ZFPM2: variants seen among roughly 807,000 people sequenced by gnomAD.
The protein encoded by ZFPM2 is zinc finger protein, FOG family member 2.
A neutral mutation model predicts 98.6 loss-of-function variants in ZFPM2; 20 were observed. The ratio of observed to expected loss-of-function variants is 0.20; its 90% CI spans 0.14 to 0.29. The LOEUF is 0.29. Ranked by LOEUF, ZFPM2 falls within the 10% of genes least tolerant of loss-of-function variation. The pLI, the probability that ZFPM2 is intolerant of heterozygous loss-of-function variation, is 1.00. For missense variants in ZFPM2, 1,310 were observed against 1,388.6 expected (o/e 0.94, Z 0.90); for synonymous variants, 518 against 502.7 (o/e 1.03, Z -0.41).
chr8:105,391,973 T>G (rs929095747), intron 1 of ZFPM2, among the ~76,000 whole-genome samples: 1 of 152,188 alleles, frequency 6.6e-6, no homozygotes, highest in Non-Finnish European at 1.5e-5. Context: ...TTTGTTCAGG[T>G]CCATCCATCA....
chr8:105,586,311 GA>G (rs1815713749), intron 4 of ZFPM2, among the ~76,000 whole-genome samples: 1 of 151,612 alleles, frequency 6.6e-6, no homozygotes, highest in Non-Finnish European at 1.5e-5. Flanking sequence ...GTTGTCAAAA[GA>G]GCTTAGTAGT....
intron 5 of ZFPM2, among the ~76,000 whole-genome samples, chr8:105,763,343 A>G (rs539196099): frequency 3.6e-4 from 54 of 151,974 alleles, no homozygotes; most frequent in African/African-American, 1.1e-3. Flanking sequence ...TCTGAAATCA[A>G]TGATATAAAT....
chr8:105,720,687 A>G (rs112009012), intron 5 of ZFPM2, among the ~76,000 whole-genome samples: 192 of 152,018 alleles, frequency 1.3e-3, no homozygotes, highest in African/African-American at 4.5e-3. Context: ...TCCAATTCAA[A>G]TAAGCATGTA....
At chr8:105,615,971 G>C (rs1816406385) in intron 4 of ZFPM2, among the ~76,000 whole-genome samples, 1 of 152,092 alleles carries the variant, frequency 6.6e-6, no homozygotes, top group Non-Finnish European at 1.5e-5. Context: ...TTTGATTTTA[G>C]TTGACAAATG....
intron 4 of ZFPM2, among the ~76,000 whole-genome samples, chr8:105,626,672 A>G (rs779029504): frequency 1.1e-4 from 17 of 152,220 alleles, no homozygotes; most frequent in Admixed American, 3.3e-4. Flanking sequence ...TAGTAATTTT[A>G]AAAATCCTCT....
At chr8:105,366,326 G>C (rs965796874) in intron 1 of ZFPM2, among the ~76,000 whole-genome samples, 1 of 152,086 alleles carries the variant, frequency 6.6e-6, no homozygotes, top group Non-Finnish European at 1.5e-5. Context: ...CAAGAGTAAA[G>C]ATTGCTTGAT....
chr8:105,381,595 G>A (rs574272402), intron 1 of ZFPM2, among the ~76,000 whole-genome samples: 2 of 152,240 alleles, frequency 1.3e-5, no homozygotes, highest in East Asian at 3.9e-4. Flanking sequence ...CCTCATTGCA[G>A]TGGGTCAGGA....
intron 3 of ZFPM2, among the ~76,000 whole-genome samples, chr8:105,549,249 GA>G: frequency 6.6e-6 from 1 of 152,272 alleles, no homozygotes; most frequent in East Asian, 1.9e-4. Flanking sequence ...AGACAGAGAA[GA>G]AGAATAACAT....
intron 5 of ZFPM2, among the ~76,000 whole-genome samples, chr8:105,694,209 A>C (rs1263381617): frequency 2.0e-5 from 3 of 151,642 alleles, no homozygotes; most frequent in African/African-American, 7.3e-5. Context: ...GATGGTCTCA[A>C]TCTCCTGACC....
chr8:105,460,109 C>A (rs1185768206), intron 3 of ZFPM2, among the ~76,000 whole-genome samples: 1 of 152,122 alleles, frequency 6.6e-6, no homozygotes, highest in Non-Finnish European at 1.5e-5. Flanking sequence ...GTGAGTGGAA[C>A]CCTGCAGCCT....
chr8:105,362,231 C>A (rs1810414535), intron 1 of ZFPM2, among the ~76,000 whole-genome samples: 1 of 151,918 alleles, frequency 6.6e-6, no homozygotes, highest in Admixed American at 6.6e-5. Context: ...GATTCTAAAG[C>A]ACTTTATTTA....
chr8:105,352,201 G>A (rs1184616239), intron 1 of ZFPM2, among the ~76,000 whole-genome samples: 3 of 152,106 alleles, frequency 2.0e-5, no homozygotes, highest in African/African-American at 7.2e-5. Flanking sequence ...TGTTGATTTT[G>A]CACATTGTTG....
At chr8:105,732,864 G>A (rs1162005471) in intron 5 of ZFPM2, among the ~76,000 whole-genome samples, 2 of 151,690 alleles carry the variant, frequency 1.3e-5, no homozygotes, top group African/African-American at 2.4e-5. Context: ...CAGCTTGCAC[G>A]TTCATTATCT....
At chr8:105,357,121 T>A (rs1406727823) in intron 1 of ZFPM2, among the ~76,000 whole-genome samples, 1 of 152,082 alleles carries the variant, frequency 6.6e-6, no homozygotes, top group African/African-American at 2.4e-5. Context: ...AGACCCCATC[T>A]CCCAGCACAC....
Position 105,667,831 on chromosome 8 carries a change from A to G in ZFPM2, c.532+33474A>G, listed in dbSNP as rs573192271. 1.9e-4 allele frequency among the ~76,000 whole-genome samples: 29 copies of G among 152,316 alleles called. No homozygotes were observed. The South Asian group carries it at 4.8e-3, about 25-fold the overall frequency. ...AACATTTTATTTGTATTAAAATGCC[A>G]TGTGTTTACTATTGTTATTTTTAAA... On this transcript the variant is annotated intron_variant, in intron 5 of 7. Transcript: ENST00000407775.
intron 3 of ZFPM2, among the ~76,000 whole-genome samples, chr8:105,532,430 T>G (rs959695371): frequency 1.3e-5 from 2 of 152,196 alleles, no homozygotes; most frequent in Admixed American, 6.5e-5. Flanking sequence ...GAAGGTCAGA[T>G]GTGAACAAAG....
chr8:105,496,306 C>G (rs1460074385), intron 3 of ZFPM2, among the ~76,000 whole-genome samples: 1 of 152,120 alleles, frequency 6.6e-6, no homozygotes, highest in African/African-American at 2.4e-5. Flanking sequence ...ACCACCACGC[C>G]CAGCCAGCAT....
chr8:105,319,001 C>G lies in ZFPM2; in HGVS notation c.40+20C>G, dbSNP rs759628299. ...TCAAACGTAAGTTTGCGCGCGGGGCCGGGAGTTGGTGGGATTATTGCCCAG... is the reference window on the plus strand; with the variant it reads ...TCAAACGTAAGTTTGCGCGCGGGGCGGGGAGTTGGTGGGATTATTGCCCAG... On this transcript the variant is annotated intron_variant, in intron 1 of 7. Transcript: ENST00000407775. The G allele has an allele frequency of 6.7e-7, 1 of 1,494,598 alleles. No individual in the cohort carries two copies. The highest frequency in any genetic ancestry group is 1.4e-5 in the African/African-American group (1 of 69,946). The allele number at this position is 1,494,598 out of a possible 1,614,324, so 92.6% of individuals were successfully genotyped here.
intron 4 of ZFPM2, among the ~76,000 whole-genome samples, chr8:105,578,478 A>G (rs4602861): frequency 0.33 from 50,393 of 151,846 alleles, 8,864 homozygotes; most frequent in African/African-American, 0.46. Context: ...CAAACAATTC[A>G]GAGTATTCTT....
Sources: gnomAD v4.1 joint callset for allele counts (sites outside exome capture counted in the v4.1 genomes callset) on GRCh38, gnomAD v4.1.1 for gene constraint, MANE v1.5 for transcripts, NCBI Gene and HGNC (gene_info 2026-07-23, HGNC 2026-07-21) for gene names.